MDGA2: variants seen among roughly 807,000 people sequenced by gnomAD.
The protein encoded by MDGA2 is MAM domain-containing glycosylphosphatidylinositol anchor protein 2.
A neutral mutation model predicts 117.8 loss-of-function variants in MDGA2; 40 were observed. The observed-to-expected ratio is 0.34, with a 90% confidence interval of 0.26 to 0.44. The LOEUF (loss-of-function observed/expected upper bound fraction) is 0.44, where lower values mean the gene tolerates loss of function less well. Ranked by LOEUF, MDGA2 falls within the 20% of genes least tolerant of loss-of-function variation. The pLI, the probability that MDGA2 is intolerant of heterozygous loss-of-function variation, is 1.00. For missense variants in MDGA2, 1,123 were observed against 1,250.6 expected (o/e 0.90, Z 1.54); for synonymous variants, 452 against 439.0 (o/e 1.03, Z -0.37).
intron 7 of MDGA2, among the ~76,000 whole-genome samples, chr14:47,040,910 A>G (rs1257656038): frequency 6.6e-6 from 1 of 152,192 alleles, no homozygotes; most frequent in African/African-American, 2.4e-5. Context: ...TTTGGCACAG[A>G]TAAGAAAGTT....
At chr14:47,163,044 C>T (rs1883707631) in intron 3 of MDGA2, among the ~76,000 whole-genome samples, 1 of 152,156 alleles carries the variant, frequency 6.6e-6, no homozygotes, top group Admixed American at 6.5e-5. Context: ...CTAACTTCTG[C>T]TTCTGACACA....
chr14:47,513,275 T>C (rs1894680750), intron 1 of MDGA2, among the ~76,000 whole-genome samples: 1 of 152,168 alleles, frequency 6.6e-6, no homozygotes, highest in South Asian at 2.1e-4. Flanking sequence ...CTTTCATTTT[T>C]TTATATGGCT....
At chr14:47,089,484 T>C (rs1457675675) in intron 6 of MDGA2, among the ~76,000 whole-genome samples, 1 of 152,166 alleles carries the variant, frequency 6.6e-6, no homozygotes, top group Non-Finnish European at 1.5e-5. Context: ...CAAGCAATTC[T>C]CCTGCCTCAG....
chr14:47,458,480 A>G (rs1475349270), intron 1 of MDGA2, among the ~76,000 whole-genome samples: 10 of 152,152 alleles, frequency 6.6e-5, no homozygotes, highest in African/African-American at 2.4e-4. Context: ...CAGAGGGTAA[A>G]CTGGTGGTTA....
Position 47,360,706 on chromosome 14 carries a change from GCAAT to G in MDGA2, c.281-59160_281-59157del, listed in dbSNP as rs1891101585. Reference sequence around the variant, plus strand: ...AAAAACAGGGTTTTCATTTGACCCAGCAATCCCTCTGTAGATATATACCCAAAGG... The same window carrying G: ...AAAAACAGGGTTTTCATTTGACCCAGCCCTCTGTAGATATATACCCAAAGG... On this transcript the variant is annotated intron_variant, in intron 1 of 16. Transcript: ENST00000399232. 2.0e-5 allele frequency among the ~76,000 whole-genome samples: 3 copies of G among 152,094 alleles called. No individual in the cohort carries two copies. In the South Asian group the frequency reaches 6.2e-4, roughly 31 times the overall value.
intron 5 of MDGA2, among the ~76,000 whole-genome samples, chr14:47,117,018 A>G (rs1354509626): frequency 2.0e-5 from 3 of 152,060 alleles, no homozygotes; most frequent in African/African-American, 2.4e-5. Flanking sequence ...TCCAATTGAG[A>G]TTTCAAAATA....
intron 7 of MDGA2, among the ~76,000 whole-genome samples, chr14:47,037,229 T>C (rs1326512715): frequency 6.6e-6 from 1 of 152,244 alleles, no homozygotes; most frequent in African/African-American, 2.4e-5. Flanking sequence ...ATTATCCCCC[T>C]ACTATGTGAC....
At chr14:47,519,684 T>C (rs775642636) in intron 1 of MDGA2, among the ~76,000 whole-genome samples, 3 of 152,226 alleles carry the variant, frequency 2.0e-5, no homozygotes, top group Non-Finnish European at 2.9e-5. Context: ...CCAAGTCACA[T>C]TGTTTTAATC....
intron 5 of MDGA2, among the ~76,000 whole-genome samples, chr14:47,102,175 A>G (rs1880361042): frequency 1.3e-5 from 2 of 152,152 alleles, no homozygotes; most frequent in South Asian, 4.1e-4. Flanking sequence ...TTTAATTATG[A>G]AAAAGGAACC....
chr14:47,546,920 T>C (rs1357811806), intron 1 of MDGA2, among the ~76,000 whole-genome samples: 1 of 152,176 alleles, frequency 6.6e-6, no homozygotes, highest in Non-Finnish European at 1.5e-5. Flanking sequence ...ACACAGTAAA[T>C]GGAATGAATT....
intron 14 of MDGA2, chr14:46,871,183 T>C (rs1302995199): frequency 1.3e-5 from 2 of 151,994 alleles, no homozygotes; most frequent in African/African-American, 4.8e-5. Flanking sequence ...CTTTAAGTGA[T>C]TCCCAGTCTA....
At chr14:47,310,728 A>G (rs1889607878) in intron 1 of MDGA2, among the ~76,000 whole-genome samples, 1 of 152,132 alleles carries the variant, frequency 6.6e-6, no homozygotes, top group South Asian at 2.1e-4. Flanking sequence ...AATATTCCAG[A>G]AATCTTGGCA....
At chr14:46,849,144 G>T in intron 15 of MDGA2, among the ~76,000 whole-genome samples, 1 of 151,818 alleles carries the variant, frequency 6.6e-6, no homozygotes, top group East Asian at 1.9e-4. Context: ...AAAACTCTTA[G>T]TACAGTCATA....
intron 2 of MDGA2, among the ~76,000 whole-genome samples, chr14:47,230,977 T>A (rs1261532683): frequency 1.3e-5 from 2 of 152,022 alleles, no homozygotes. Context: ...CTTTGGATTT[T>A]GAATAAAGCT....
chr14:46,860,165 C>T (rs1026883058), intron 14 of MDGA2, among the ~76,000 whole-genome samples: 4 of 152,006 alleles, frequency 2.6e-5, no homozygotes, highest in African/African-American at 9.7e-5. Flanking sequence ...ATGACTCTGG[C>T]TTCATCTCTA....
chr14:47,592,962 G>C (rs1273270493), intron 1 of MDGA2, among the ~76,000 whole-genome samples: 1 of 152,052 alleles, frequency 6.6e-6, no homozygotes, highest in African/African-American at 2.4e-5. Context: ...TCTATACAGT[G>C]GGAGAAAATT....
intron 2 of MDGA2, among the ~76,000 whole-genome samples, chr14:47,294,768 T>C (rs935059822): frequency 1.3e-5 from 2 of 152,116 alleles, no homozygotes; most frequent in Non-Finnish European, 2.9e-5. Flanking sequence ...ATATATAAAA[T>C]ATCTGCAAAG....
At chr14:47,594,777 A>C (rs995787144) in intron 1 of MDGA2, among the ~76,000 whole-genome samples, 28 of 152,234 alleles carry the variant, frequency 1.8e-4, no homozygotes, top group African/African-American at 5.3e-4. Flanking sequence ...ATATGTATTG[A>C]GTGCCAACTG....
chr14:46,912,936 T>C (rs1443184942), intron 10 of MDGA2, among the ~76,000 whole-genome samples: 3 of 152,170 alleles, frequency 2.0e-5, no homozygotes, highest in Non-Finnish European at 4.4e-5. Flanking sequence ...TTTTTACAAC[T>C]GACATATGGC....
Sources: gnomAD v4.1 joint callset for allele counts (sites outside exome capture counted in the v4.1 genomes callset) on GRCh38, gnomAD v4.1.1 for gene constraint, MANE v1.5 for transcripts, NCBI Gene and HGNC (gene_info 2026-07-23, HGNC 2026-07-21) for gene names.